Variants in PRKN observed in about 807,000 individuals in gnomAD.
PRKN encodes the protein parkin RBR E3 ubiquitin protein ligase, also known as E3 ubiquitin-protein ligase parkin.
Under a neutral mutation model 59.5 loss-of-function variants are expected in PRKN, and 56 were observed. That is an observed-to-expected ratio of 0.94 (90% confidence interval 0.76 to 1.18). PRKN has a LOEUF of 1.18. Among genes scored for constraint, PRKN ranks in the 50% most tolerant of loss-of-function variants. The probability of loss-of-function intolerance (pLI) is 0.00; values close to 1 mark genes in which losing one functional copy is unlikely to be tolerated. For missense variants in PRKN, 657 were observed against 596.4 expected (o/e 1.10, Z -1.06); for synonymous variants, 250 against 222.1 (o/e 1.13, Z -1.12).
intron 1 of PRKN, among the ~76,000 whole-genome samples, chr6:162,484,204 T>A (rs1477463621): frequency 6.6e-6 from 1 of 152,204 alleles, no homozygotes; most frequent in Non-Finnish European, 1.5e-5. Flanking sequence ...GAAATTTGAA[T>A]CATGTAAATA....
At chr6:162,587,014 G>T (rs1781087551) in intron 1 of PRKN, among the ~76,000 whole-genome samples, 2 of 152,138 alleles carry the variant, frequency 1.3e-5, no homozygotes, top group African/African-American at 4.8e-5. Flanking sequence ...AAAATCACCA[G>T]ATCCAAGTGG....
At chr6:161,720,193 T>TA (rs2128185021) in intron 7 of PRKN, among the ~76,000 whole-genome samples, 1 of 152,242 alleles carries the variant, frequency 6.6e-6, no homozygotes, top group Non-Finnish European at 1.5e-5. Flanking sequence ...CTAACAATAA[T>TA]AAAAAACATT....
At chr6:162,420,227 C>A (rs1051942341) in intron 2 of PRKN, among the ~76,000 whole-genome samples, 5 of 147,816 alleles carry the variant, frequency 3.4e-5, no homozygotes, top group Admixed American at 6.8e-5. Flanking sequence ...AAGGAGCGTG[C>A]AACCTAGATT....
At chr6:161,520,382 G>A (rs1237621991) in intron 9 of PRKN, among the ~76,000 whole-genome samples, 3 of 151,844 alleles carry the variant, frequency 2.0e-5, no homozygotes, top group African/African-American at 7.3e-5. Flanking sequence ...CCATCACCAG[G>A]CCCGGCTAAT....
chr6:161,643,178 CT>C (rs1432694274), intron 7 of PRKN, among the ~76,000 whole-genome samples: 1 of 152,114 alleles, frequency 6.6e-6, no homozygotes, highest in Non-Finnish European at 1.5e-5. Context: ...AGAAACACTT[CT>C]TTTTTCATTG....
At chr6:162,208,923 C>T (rs1298484892) in intron 3 of PRKN, among the ~76,000 whole-genome samples, 2 of 152,136 alleles carry the variant, frequency 1.3e-5, no homozygotes, top group East Asian at 3.9e-4. Context: ...GGATCCCTTC[C>T]TTACACCTTA....
chr6:161,856,995 T>C (rs9364614), intron 6 of PRKN, among the ~76,000 whole-genome samples: 75,051 of 151,192 alleles, frequency 0.5, 18,875 homozygotes, highest in East Asian at 0.75. Context: ...TTTGGGAGGC[T>C]GAGGCAGGTG....
rs534707297 is a variant in PRKN, at chr6:162,676,599, G to C, written c.7+51063C>G. On this transcript the variant is annotated intron_variant, in intron 1 of 11. Coordinates refer to ENST00000366898, the MANE Select transcript of PRKN (RefSeq NM_004562.3). ...AATGATAGCTTCCTCCATTACTGTGGAGGCATGACCTGTGGTAAACAGAGG... is the reference window on the plus strand; with the variant it reads ...AATGATAGCTTCCTCCATTACTGTGCAGGCATGACCTGTGGTAAACAGAGG... Among the ~76,000 whole-genome samples, 17 of 152,290 alleles carry C rather than the reference G, an allele frequency of 1.1e-4. No homozygotes were observed. The East Asian group carries it at 3.3e-3, about 29-fold the overall frequency.
intron 2 of PRKN, among the ~76,000 whole-genome samples, chr6:162,313,697 G>A (rs1726451252): frequency 6.6e-6 from 1 of 151,862 alleles, no homozygotes; most frequent in Non-Finnish European, 1.5e-5. Flanking sequence ...ATGTTGGCTA[G>A]ACTGGTCTCA....
At position 161,552,393 on chromosome 6, in the gene PRKN, CACCTATGACTGTGAATGATCT is replaced by C. The variant is rs1780056234; in HGVS notation, c.934-3411_934-3391del. On this transcript the variant is annotated intron_variant, in intron 8 of 11. Transcript: ENST00000366898. This position sits in a 1 kb window ranked among gnomAD's most constrained non-coding sequence, Gnocchi z 4.9. The stretch of plus-strand genomic sequence containing the variant: ...CCTCTCCCTCAGCTCTGTTCACCTC[CACCTATGACTGTGAATGATCT>C]CACGGTGATCCTCCAAGCCTCTCTC... Among the ~76,000 whole-genome samples the C allele has an allele frequency of 2.3e-5, 3 of 132,056 alleles. No homozygotes were observed. The highest frequency in any genetic ancestry group is 7.6e-5 in the Admixed American group (1 of 13,080). The allele number at this position is 132,056 out of a possible 152,430, so 86.6% of individuals were successfully genotyped here. A position where few individuals can be genotyped will look rare whatever the true frequency, so the allele number is the denominator to read the frequency against.
At chr6:162,217,774 G>A (rs551402555) in intron 3 of PRKN, among the ~76,000 whole-genome samples, 5 of 152,154 alleles carry the variant, frequency 3.3e-5, no homozygotes, top group Admixed American at 6.5e-5. Context: ...TCCTATTAGC[G>A]CAAGGGAGAC....
At chr6:162,223,412 C>A (rs1778020314) in intron 3 of PRKN, among the ~76,000 whole-genome samples, 1 of 151,922 alleles carries the variant, frequency 6.6e-6, no homozygotes, top group Non-Finnish European at 1.5e-5. Context: ...AATAATAGTG[C>A]TGCTAATAGC....
At chr6:162,241,156 G>A (rs1383438302) in intron 3 of PRKN, among the ~76,000 whole-genome samples, 1 of 152,054 alleles carries the variant, frequency 6.6e-6, no homozygotes, top group Non-Finnish European at 1.5e-5. Context: ...CTTTTATGAT[G>A]CCTTTACAAT....
At chr6:162,656,202 A>G (rs1259470619) in intron 1 of PRKN, among the ~76,000 whole-genome samples, 1 of 152,324 alleles carries the variant, frequency 6.6e-6, no homozygotes, top group African/African-American at 2.4e-5. Context: ...TTTCAGCTAC[A>G]TATGTATTAA....
rs180826793 is a variant in PRKN, at chr6:161,376,588, G to A, written c.1167+10206C>T. Among the ~76,000 whole-genome samples, 242 of 152,182 alleles carry A rather than the reference G, an allele frequency of 1.6e-3. 2 individuals carry two copies. The highest frequency in any genetic ancestry group is 1.4e-3 in the Non-Finnish European group (96 of 68,012). The stretch of plus-strand genomic sequence containing the variant: ...GTGTCTCTGGTTTGGCCCTTTTAGG[G>A]GGTGCTCTGCTCTGCTCCCAGTCCC... On this transcript the variant is annotated intron_variant, in intron 10 of 11. Transcript: ENST00000366898. The surrounding 1 kb of genome is among the most constrained non-coding windows in gnomAD (Gnocchi z 7.3).
intron 6 of PRKN, among the ~76,000 whole-genome samples, chr6:161,814,795 C>T (rs943269023): frequency 7.2e-5 from 11 of 152,154 alleles, no homozygotes; most frequent in Admixed American, 1.3e-4. Flanking sequence ...AGTAACCGCG[C>T]CCAGCCGGGA....
intron 1 of PRKN, among the ~76,000 whole-genome samples, chr6:162,703,094 C>T (rs2128237142): frequency 1.3e-5 from 2 of 152,066 alleles, no homozygotes; most frequent in South Asian, 4.2e-4. Context: ...TGTATGAGTC[C>T]ACTAAGGAAC....
chr6:162,664,991 G>C (rs1256569179), intron 1 of PRKN, among the ~76,000 whole-genome samples: 6 of 151,924 alleles, frequency 3.9e-5, no homozygotes, highest in South Asian at 2.1e-4. Flanking sequence ...ATCCCCTCAT[G>C]TTAAAAACTC....
intron 2 of PRKN, among the ~76,000 whole-genome samples, chr6:162,422,363 G>A (rs916922190): frequency 6.6e-6 from 1 of 152,164 alleles, no homozygotes; most frequent in Non-Finnish European, 1.5e-5. Flanking sequence ...TGTCAAGCCA[G>A]TGATGCATCA....
Sources: gnomAD v4.1 joint callset for allele counts (sites outside exome capture counted in the v4.1 genomes callset) on GRCh38, gnomAD v4.1.1 for gene constraint, Gnocchi (gnomAD v3.1) non-coding constraint, MANE v1.5 for transcripts, NCBI Gene and HGNC (gene_info 2026-07-23, HGNC 2026-07-21) for gene names.